The following HIBCH variants were observed in gnomAD, a reference collection of about 807,000 sequenced individuals.
HIBCH encodes the protein 3-hydroxyisobutyryl-CoA hydrolase, mitochondrial.
HIBCH carries 50 observed loss-of-function variants against 58.2 expected under a neutral mutation model. That is an observed-to-expected ratio of 0.86 (90% CI 0.68 to 1.09). HIBCH has a LOEUF of 1.09. Ranked by LOEUF, HIBCH falls within the 50% of genes least tolerant of loss-of-function variation. HIBCH has a pLI of 0.00. For synonymous variants in HIBCH, 151 were observed against 146.9 expected, an observed-to-expected ratio of 1.03 and a Z score of -0.20; for missense variants, 450 against 449.7, an observed-to-expected ratio of 1.00 and a Z score of -0.01.
intron 13 of HIBCH, among the ~76,000 whole-genome samples, chr2:190,208,140 T>C (rs1690436047): frequency 6.6e-6 from 1 of 152,204 alleles, no homozygotes; most frequent in Non-Finnish European, 1.5e-5. Context: ...TTGGAGATTA[T>C]AAGCAAAATG....
At chr2:190,221,312 C>T (rs945368011) in intron 11 of HIBCH, among the ~76,000 whole-genome samples, 2 of 152,120 alleles carry the variant, frequency 1.3e-5, no homozygotes, top group African/African-American at 4.8e-5. Flanking sequence ...CCATAGTATC[C>T]TCATTTGTAA....
chr2:190,194,441 TGGA>T, intron 1 of HIBCH, among the ~76,000 whole-genome samples: 1 of 150,108 alleles, frequency 6.7e-6, no homozygotes, highest in East Asian at 2.0e-4. Context: ...AACAGAAAAA[TGGA>T]GCAGGAAGTA....
At chr2:190,219,812 T>C (rs371498194) in intron 11 of HIBCH, among the ~76,000 whole-genome samples, 1 of 152,186 alleles carries the variant, frequency 6.6e-6, no homozygotes, top group East Asian at 1.9e-4. Flanking sequence ...AAGACTGTCA[T>C]TAAAAGTCTC....
chr2:190,277,707 A>C (rs140675551), intron 6 of HIBCH, among the ~76,000 whole-genome samples: 1 of 152,354 alleles, frequency 6.6e-6, no homozygotes, highest in East Asian at 1.9e-4. Context: ...TGTTTCAGCC[A>C]ATCATAGGCA....
At chr2:190,221,299 T>C (rs1250938261) in intron 11 of HIBCH, among the ~76,000 whole-genome samples, 1 of 152,216 alleles carries the variant, frequency 6.6e-6, no homozygotes, top group Non-Finnish European at 1.5e-5. Context: ...TCTAGATGAC[T>C]GACCATAGTA....
chr2:190,222,298 G>A (rs530994111), intron 11 of HIBCH, among the ~76,000 whole-genome samples: 8 of 152,228 alleles, frequency 5.3e-5, no homozygotes, highest in East Asian at 1.9e-4. Flanking sequence ...AGAAACGGCC[G>A]GCTAGTCCTA....
downstream of HIBCH, chr2:190,201,841 G>C (rs1690252927): frequency 6.0e-6 from 1 of 166,990 alleles, no homozygotes; most frequent in Non-Finnish European, 1.5e-5. Flanking sequence ...TTTCCCATAA[G>C]TATAAAACAT....
At chr2:190,293,469 TAAATA>T (rs1688007245) in intron 4 of HIBCH, among the ~76,000 whole-genome samples, 1 of 151,430 alleles carries the variant, frequency 6.6e-6, no homozygotes, top group Non-Finnish European at 1.5e-5. Context: ...AAAAAATAAA[TAAATA>T]AATAAAATAA....
intron 1 of HIBCH, among the ~76,000 whole-genome samples, chr2:190,194,278 C>T (rs753266420): frequency 6.6e-5 from 10 of 151,962 alleles, no homozygotes; most frequent in Non-Finnish European, 1.0e-4. Flanking sequence ...GTTCAGAACA[C>T]GTATTTTTTC....
At chr2:190,276,206 TATC>T (rs1241831877) in intron 6 of HIBCH, among the ~76,000 whole-genome samples, 2 of 152,126 alleles carry the variant, frequency 1.3e-5, no homozygotes, top group Non-Finnish European at 2.9e-5. Flanking sequence ...ACCAAAGAAC[TATC>T]ATGAAAAGTT....
At chr2:190,228,470 C>T (rs1172807982) in intron 11 of HIBCH, among the ~76,000 whole-genome samples, 1 of 151,352 alleles carries the variant, frequency 6.6e-6, no homozygotes, top group Non-Finnish European at 1.5e-5. Flanking sequence ...TTAATGGGTG[C>T]AGCACAGCAA....
intron 6 of HIBCH, among the ~76,000 whole-genome samples, chr2:190,266,944 A>AGTTTTTTAG (rs1687259497): frequency 4.0e-5 from 6 of 150,464 alleles, no homozygotes; most frequent in African/African-American, 1.5e-4. Flanking sequence ...TTTAGTAGAG[A>AGTTTTTTAG]TGGGGTTTCA....
intron 5 of HIBCH, among the ~76,000 whole-genome samples, chr2:190,290,192 A>G (rs1687925884): frequency 6.6e-6 from 1 of 152,154 alleles, no homozygotes; most frequent in African/African-American, 2.4e-5. Context: ...TATTGATTTT[A>G]TAACAAATAG....
At chr2:190,252,131 C>T in intron 8 of HIBCH, 31 bp downstream of exon 8, 1 of 1,609,340 alleles carries the variant, frequency 6.2e-7, no homozygotes, top group South Asian at 1.1e-5. Flanking sequence ...GTTATTCCAA[C>T]AATACAAAAT....
chr2:190,305,647 A>T (rs988473968), intron 2 of HIBCH, among the ~76,000 whole-genome samples: 2 of 152,162 alleles, frequency 1.3e-5, no homozygotes, highest in Non-Finnish European at 2.9e-5. Flanking sequence ...TTCAATCCAT[A>T]ATAGCAATGT....
intron 9 of HIBCH, 102 bp downstream of exon 9, chr2:190,249,538 T>G (rs1686704361): frequency 1.5e-6 from 1 of 685,332 alleles, no homozygotes; most frequent in South Asian, 1.7e-5. Context: ...CTTAGTACAT[T>G]TATTTATATT....
At chr2:190,199,559 T>C, downstream of HIBCH, 1 of 311,514 alleles carries the variant, frequency 3.2e-6, no homozygotes, top group South Asian at 1.1e-4. Flanking sequence ...TTTCTTCTAC[T>C]GATAAGATAA....
At position 190,240,301 on chromosome 2, in the gene HIBCH, C is replaced by A. The variant is rs538453422; in HGVS notation, c.891+4586G>T. Among the ~76,000 whole-genome samples the A allele has an allele frequency of 5.3e-5, 8 of 152,246 alleles. No individual in the cohort carries two copies. The South Asian group carries it at 1.5e-3, about 28-fold the overall frequency. On this transcript the variant is annotated intron_variant, in intron 11 of 13. Coordinates refer to ENST00000359678, the MANE Select transcript of HIBCH (RefSeq NM_014362.4). Reference sequence around the variant, plus strand: ...TTTATTTGTGGAGAGGTGTTTACAGCATTCTCTGATGGTAGTTTGCATTTC... The same window carrying A: ...TTTATTTGTGGAGAGGTGTTTACAGAATTCTCTGATGGTAGTTTGCATTTC...
rs1194313204 is a variant in HIBCH, at chr2:190,304,478, T to C, written c.78+6276A>G. 1.3e-5 allele frequency among the ~76,000 whole-genome samples: 2 copies of C among 152,122 alleles called. No individual in the cohort carries two copies. The highest frequency in any genetic ancestry group is 2.9e-5 in the Non-Finnish European group (2 of 68,020). ...CACTCCCATAACCCCATTAATCAAT[T>C]AATGGATTAATCCTTCGTGAGGACA... is the stretch of plus-strand genomic sequence containing the variant. On this transcript the variant is annotated intron_variant, in intron 2 of 13. Coordinates refer to ENST00000359678, the MANE Select transcript of HIBCH (RefSeq NM_014362.4). This position sits in a 1 kb window ranked among gnomAD's most constrained non-coding sequence, Gnocchi z 4.1.
Sources: allele counts gnomAD v4.1 joint callset (sites outside exome capture counted in the v4.1 genomes callset), GRCh38; gene constraint gnomAD v4.1.1; non-coding constraint Gnocchi (gnomAD v3.1); transcripts MANE v1.5; gene names NCBI Gene and HGNC (gene_info 2026-07-23, HGNC 2026-07-21).